The following ANKS1B variants were observed in gnomAD, a reference collection of about 807,000 sequenced individuals.
ANKS1B encodes ankyrin repeat and sterile alpha motif domain-containing protein 1B.
In ANKS1B, 36 loss-of-function variants were observed where a neutral mutation model predicts 148.3. That is an observed-to-expected ratio of 0.24 (90% CI 0.19 to 0.32). The LOEUF (loss-of-function observed/expected upper bound fraction) is 0.32. Among genes scored for constraint, ANKS1B ranks in the 10% least tolerant of loss-of-function variants. The pLI, the probability that ANKS1B is intolerant of heterozygous loss-of-function variation, is 1.00. For missense variants in ANKS1B, 1,157 were observed against 1,542.6 expected (o/e 0.75, Z 4.19); for synonymous variants, 542 against 560.8 (o/e 0.97, Z 0.47).
chr12:98,879,633 C>T (rs1012831662), intron 17 of ANKS1B, among the ~76,000 whole-genome samples: 2 of 151,974 alleles, frequency 1.3e-5, no homozygotes. Context: ...ATTCCTCTTA[C>T]GTTTTTGTGG....
chr12:99,890,628 C>A (rs2093053635), intron 1 of ANKS1B, among the ~76,000 whole-genome samples: 4 of 134,608 alleles, frequency 3.0e-5, no homozygotes, highest in Admixed American at 2.9e-4. Context: ...TGTGTGTATT[C>A]TCTTGTTTCA....
chr12:99,792,685 T>G (rs1474432190), intron 4 of ANKS1B, among the ~76,000 whole-genome samples: 1 of 151,174 alleles, frequency 6.6e-6, no homozygotes, highest in Non-Finnish European at 1.5e-5. Context: ...AAAAAAATAG[T>G]CAAAACACCT....
intron 1 of ANKS1B, among the ~76,000 whole-genome samples, chr12:99,906,768 C>T (rs2093796865): frequency 6.6e-6 from 1 of 152,224 alleles, no homozygotes; most frequent in East Asian, 1.9e-4. Context: ...TTTTCTCCTT[C>T]ATATGCTTCT....
intron 1 of ANKS1B, among the ~76,000 whole-genome samples, chr12:99,941,824 T>C (rs10860544): frequency 0.6 from 90,681 of 152,040 alleles, 28,143 homozygotes; most frequent in Middle Eastern, 0.7. Flanking sequence ...GAGAAGTCAA[T>C]GCCTCTCTTA....
chr12:98,744,056 AAG>A lies in ANKS1B; in HGVS notation c.*1681_*1682del. The A allele has an allele frequency of 4.1e-6, 4 of 983,816 alleles. No homozygotes were observed. Among genetic ancestry groups the A allele is most frequent in the Non-Finnish European group, 4.8e-6 (4 of 828,348 alleles). The allele number at this position is 983,816 out of a possible 1,614,324, so 60.9% of individuals were successfully genotyped here. A position where few individuals can be genotyped will look rare whatever the true frequency, so the allele number is the denominator to read the frequency against. ...CAAAAATTACAAAATTTATAACTGG[AAG>A]CCCAAGCTTATTTACACATATGCTT... On this transcript the variant is annotated 3_prime_UTR_variant, in exon 27 of 27. Transcript: ENST00000683438.
intron 12 of ANKS1B, among the ~76,000 whole-genome samples, chr12:99,288,489 T>C (rs1025001966): frequency 3.3e-5 from 5 of 152,118 alleles, no homozygotes; most frequent in Admixed American, 6.6e-5. Context: ...AACTCACTGG[T>C]CATAATAAAT....
At chr12:98,827,706 C>G (rs2099261214) in intron 19 of ANKS1B, among the ~76,000 whole-genome samples, 1 of 152,118 alleles carries the variant, frequency 6.6e-6, no homozygotes, top group Admixed American at 6.5e-5. Context: ...ATTATGTGAG[C>G]AGCTGAGAGA....
At chr12:99,772,709 T>C (rs2063310527) in intron 8 of ANKS1B, 1 of 381,534 alleles carries the variant, frequency 2.6e-6, no homozygotes, top group Non-Finnish European at 4.7e-6. Flanking sequence ...AGTCTAAAAG[T>C]AGAGAGACCA....
intron 8 of ANKS1B, among the ~76,000 whole-genome samples, chr12:99,665,149 G>T (rs745460621): frequency 1.3e-5 from 2 of 152,160 alleles, no homozygotes; most frequent in African/African-American, 2.4e-5. Flanking sequence ...AAAATGCTAG[G>T]TCACACGGTA....
chr12:99,004,985 C>T (rs947858716), intron 17 of ANKS1B, among the ~76,000 whole-genome samples: 16 of 151,984 alleles, frequency 1.1e-4, no homozygotes, highest in Admixed American at 7.2e-4. Flanking sequence ...CCTGTGCCCT[C>T]GCAAGGAGCA....
chr12:99,865,069 C>T (rs2090548457), intron 1 of ANKS1B, among the ~76,000 whole-genome samples: 1 of 152,208 alleles, frequency 6.6e-6, no homozygotes, highest in Non-Finnish European at 1.5e-5. Context: ...CTTTGTGAAA[C>T]TGACTGAAAG....
rs1205854825 is a variant in ANKS1B at position 99,563,235 on chromosome 12, C to T, written c.1273-58594G>A. 2.6e-5 allele frequency among the ~76,000 whole-genome samples: 4 copies of T among 152,244 alleles called. No individual in the cohort carries two copies. In the East Asian group the frequency reaches 7.7e-4, roughly 29 times the overall value. On this transcript the variant is annotated intron_variant, in intron 9 of 26. Transcript: ENST00000683438. ...CTTTTAATTTTCTTCAAGAACTTTT[C>T]CTTTGCGTTTACAATTTGGATAACT...
rs541066506 is a variant in ANKS1B at position 99,429,904 on chromosome 12, C to A, written c.1575+13769G>T. On this transcript the variant is annotated intron_variant, in intron 11 of 26. Transcript: ENST00000683438. ...ACGTGAACCCGGGAGGCGAAGCTTG[C>A]AGTGAGCCAAGATCGTGTCACTGCA... 2.0e-5 allele frequency among the ~76,000 whole-genome samples: 3 copies of A among 152,124 alleles called. No individual in the cohort carries two copies. The South Asian group carries it at 6.2e-4, about 32-fold the overall frequency.
In ANKS1B at chr12:99,399,744, A is replaced by T; in HGVS notation, c.1643T>A (p.Phe548Tyr). ...FHRMNHNQEY[F>Y]EINTSTGCTS... The stretch of plus-strand genomic sequence containing the variant: ...GCACCCTGTAGATGTGTTGATTTCA[A>T]AATATTCTTGGTTGTGATTCATTCG... The change falls in exon 12 of 27, where the codon TTT becomes TAT. Residue 548 changes from phenylalanine (F) to tyrosine (Y), a missense_variant. By Grantham distance (22) the Phe-to-Tyr change is conservative. This residue lies in a region of ANKS1B where 661 missense variants were observed against 642.1 expected (regional missense o/e 1.03). Transcript: ENST00000683438. 3.7e-6 allele frequency: 6 copies of T among 1,613,442 alleles called. No individual in the cohort carries two copies. Among genetic ancestry groups the T allele is most frequent in the Non-Finnish European group, 5.1e-6 (6 of 1,179,512 alleles).
intron 20 of ANKS1B, among the ~76,000 whole-genome samples, chr12:98,802,490 A>G (rs2099011884): frequency 6.6e-6 from 1 of 150,790 alleles, no homozygotes; most frequent in Admixed American, 6.6e-5. Context: ...GAGGAGAACT[A>G]GCTCTCCAAT....
At chr12:98,841,786 C>A (rs995999785) in intron 17 of ANKS1B, among the ~76,000 whole-genome samples, 4 of 152,098 alleles carry the variant, frequency 2.6e-5, no homozygotes, top group African/African-American at 9.7e-5. Context: ...AGAGAGATTT[C>A]TTATCGTCCC....
chr12:99,188,468 A>G (rs1057432845), intron 14 of ANKS1B, among the ~76,000 whole-genome samples: 4 of 152,226 alleles, frequency 2.6e-5, no homozygotes, highest in African/African-American at 9.6e-5. Flanking sequence ...CAGCAAATGC[A>G]AAAGAACGGA....
At position 99,691,611 on chromosome 12, in the gene ANKS1B, C is replaced by T. The variant is rs151037670; in HGVS notation, c.1129-36401G>A. 7.6e-3 allele frequency among the ~76,000 whole-genome samples: 1,160 copies of T among 152,306 alleles called. 16 individuals are homozygous for T. The highest frequency in any genetic ancestry group is 0.027 in the African/African-American group (1,124 of 41,562). The stretch of plus-strand genomic sequence containing the variant: ...ACAAATTCCTCATCTCCATCTGAGA[C>T]CACCTCAGCCTGGATTTCATTGTCC... On this transcript the variant is annotated intron_variant, in intron 8 of 26. Coordinates refer to ENST00000683438, the MANE Select transcript of ANKS1B (RefSeq NM_001352186.2).
At chr12:98,757,782 C>G (rs180787453) in intron 25 of ANKS1B, among the ~76,000 whole-genome samples, 1 of 152,336 alleles carries the variant, frequency 6.6e-6, no homozygotes, top group East Asian at 1.9e-4. Context: ...GACCTTGGCT[C>G]TTCCTGTCTC....
Sources: gnomAD v4.1 joint callset for allele counts (sites outside exome capture counted in the v4.1 genomes callset) on GRCh38, gnomAD v4.1.1 for gene constraint, gnomAD v4.1.1 regional missense constraint, MANE v1.5 for transcripts, NCBI Gene and HGNC (gene_info 2026-07-23, HGNC 2026-07-21) for gene names.